Variants in DNMT3A observed in about 807,000 individuals in gnomAD.
The protein encoded by DNMT3A is DNA (cytosine-5)-methyltransferase 3A.
Under a neutral mutation model 117.6 loss-of-function variants are expected in DNMT3A, and 267 were observed. That is an observed-to-expected ratio of 2.27 (90% CI 2.05 to 2.51). DNMT3A has a LOEUF of 2.51. Ranked by LOEUF, DNMT3A falls within the 30% of genes most tolerant of loss-of-function variation. DNMT3A has a pLI of 0.00. For synonymous variants in DNMT3A, 432 were observed against 474.8 expected, an observed-to-expected ratio of 0.91 and a Z score of 1.17; for missense variants, 1,029 against 1,260.2, an observed-to-expected ratio of 0.82 and a Z score of 2.78.
chr2:25,267,177 A>G (rs1409372531), intron 6 of DNMT3A, among the ~76,000 whole-genome samples: 3 of 152,252 alleles, frequency 2.0e-5, no homozygotes, highest in Non-Finnish European at 4.4e-5. Context: ...CAGGAAAAAA[A>G]GAACCCCTGA....
intron 3 of DNMT3A, among the ~76,000 whole-genome samples, chr2:25,288,760 C>T (rs373694285): frequency 3.3e-5 from 5 of 152,346 alleles, no homozygotes; most frequent in Admixed American, 2.0e-4. Flanking sequence ...CGATCCCAAA[C>T]GGAAACTGTC....
intron 16 of DNMT3A, among the ~76,000 whole-genome samples, chr2:25,242,649 TGA>T (rs1474436425): frequency 2.0e-5 from 3 of 152,182 alleles, no homozygotes; most frequent in African/African-American, 4.8e-5. Context: ...GTCCCTGGGT[TGA>T]GACTGCCTAT....
At chr2:25,341,524 G>T (rs903736273) in intron 1 of DNMT3A, among the ~76,000 whole-genome samples, 58 of 145,968 alleles carry the variant, frequency 4.0e-4, no homozygotes, top group Admixed American at 2.2e-3. Context: ...TTGAACTTGA[G>T]CCCGGAGCCG....
At chr2:25,245,814 C>T (rs1182182449) in intron 12 of DNMT3A, among the ~76,000 whole-genome samples, 1 of 152,224 alleles carries the variant, frequency 6.6e-6, no homozygotes, top group Non-Finnish European at 1.5e-5. Context: ...CTGGGGAGTC[C>T]CACACCCTGA....
chr2:25,303,885 T>C (rs2033652893), intron 2 of DNMT3A, among the ~76,000 whole-genome samples: 1 of 152,232 alleles, frequency 6.6e-6, no homozygotes, highest in African/African-American at 2.4e-5. Context: ...CAAGGAAGCG[T>C]AGCAAGTGGT....
chr2:25,251,421 T>A (rs1675545065), intron 6 of DNMT3A, among the ~76,000 whole-genome samples: 1 of 151,982 alleles, frequency 6.6e-6, no homozygotes, highest in Non-Finnish European at 1.5e-5. Context: ...TATTCCCCAC[T>A]CCCTGCTGGC....
chr2:25,234,373 C>G lies in DNMT3A; in HGVS notation c.2645G>C (p.Arg882Pro), dbSNP rs147001633. 10 of 1,613,314 alleles carry G rather than the reference C, an allele frequency of 6.2e-6. No individual in the cohort carries two copies. The highest frequency in any genetic ancestry group is 1.7e-5 in the Admixed American group (1 of 59,968). ...VHYTDVSNMS[R>P]LARQRLLGRS... ...GCCCAGCAGTCTCTGCCTCGCCAAGCGGCTCATGTTGGAGACGTCAGTATA... is the reference window on the plus strand; with the variant it reads ...GCCCAGCAGTCTCTGCCTCGCCAAGGGGCTCATGTTGGAGACGTCAGTATA... The change falls in exon 23 of 23, where the codon CGC becomes CCC. Residue 882 changes from arginine to proline, a missense_variant. Transcript: ENST00000321117. The surrounding 1 kb of genome is among the most constrained non-coding windows in gnomAD (Gnocchi z 4.5).
At chr2:25,276,214 C>T (rs1313040364) in intron 4 of DNMT3A, among the ~76,000 whole-genome samples, 1 of 152,156 alleles carries the variant, frequency 6.6e-6, no homozygotes, top group African/African-American at 2.4e-5. Flanking sequence ...ATTCTCCGTC[C>T]CTCCACTCCC....
rs970731492 is a variant in DNMT3A at position 25,304,416 on chromosome 2, C to T, written c.73-4173G>A. ...TTCCCCCGCTCCACACATCCTGATT[C>T]GTACTTCACTCCCACTCCATCCTCC... On this transcript the variant is annotated intron_variant, in intron 2 of 22. Transcript: ENST00000321117. This position sits in a 1 kb window ranked among gnomAD's most constrained non-coding sequence, Gnocchi z 4.3. Among the ~76,000 whole-genome samples the T allele has an allele frequency of 5.9e-5, 9 of 152,204 alleles. No individual in the cohort carries two copies. The highest frequency in any genetic ancestry group is 1.2e-4 in the Non-Finnish European group (8 of 68,022).
At chr2:25,321,447 G>A (rs76307105) in intron 1 of DNMT3A, among the ~76,000 whole-genome samples, 2,346 of 152,064 alleles carry the variant, frequency 0.015, 54 homozygotes, top group African/African-American at 0.052. Context: ...ATTACACTGG[G>A]CCCACCCAGA....
chr2:25,248,868 A>G (rs531070832), intron 6 of DNMT3A, among the ~76,000 whole-genome samples: 3 of 151,324 alleles, frequency 2.0e-5, no homozygotes, highest in Non-Finnish European at 4.4e-5. Flanking sequence ...TTTTTTTTTT[A>G]ATTTTATTAT....
rs929806900 is a variant in DNMT3A at position 25,243,927 on chromosome 2, A to C, written c.1907T>G (p.Val636Gly). The change falls in exon 16 of 23, where the codon GTG becomes GGG. Residue 636 changes from valine (V) to glycine (G), a missense_variant. Val to Gly is a moderately radical substitution (Grantham distance 109, BLOSUM62 -3). Coordinates refer to ENST00000321117, the MANE Select transcript of DNMT3A (RefSeq NM_022552.5). ...AGCGATTCCATCAAAGAGAGACAGC[A>C]CCCGGATGGGCTTCCTCTTCTCAGC... ...VPAEKRKPIR[V>G]LSLFDGIATG... 6.4e-7 allele frequency: 1 copy of C among 1,552,172 alleles called. No individual in the cohort carries two copies.
intron 3 of DNMT3A, among the ~76,000 whole-genome samples, chr2:25,287,355 G>A (rs2032388539): frequency 1.3e-5 from 2 of 152,084 alleles, no homozygotes; most frequent in African/African-American, 4.8e-5. Flanking sequence ...TGTGAATCTA[G>A]TATCATTCTA....
chr2:25,253,640 G>A (rs1471267658), intron 6 of DNMT3A, among the ~76,000 whole-genome samples: 1 of 152,214 alleles, frequency 6.6e-6, no homozygotes, highest in East Asian at 1.9e-4. Context: ...ATAACCGCAG[G>A]TTTTCTGACA....
At chr2:25,335,928 C>A (rs192797986) in intron 1 of DNMT3A, among the ~76,000 whole-genome samples, 1 of 151,808 alleles carries the variant, frequency 6.6e-6, no homozygotes, top group African/African-American at 2.4e-5. Flanking sequence ...CACAGTAGGA[C>A]AGGAGTAGGC....
intron 6 of DNMT3A, among the ~76,000 whole-genome samples, chr2:25,250,589 A>G (rs1462384934): frequency 6.6e-6 from 1 of 152,166 alleles, no homozygotes; most frequent in East Asian, 1.9e-4. Context: ...GAGAAGGTGC[A>G]CTGAAGTGTG....
intron 19 of DNMT3A, chr2:25,239,483 T>G: frequency 5.1e-6 from 3 of 592,264 alleles, no homozygotes; most frequent in Non-Finnish European, 6.6e-6. Flanking sequence ...CAGTGGCCAC[T>G]AGCCCACTAG....
chr2:25,298,841 C>T lies in DNMT3A; in HGVS notation c.177+1298G>A, dbSNP rs1249588691. On this transcript the variant is annotated intron_variant, in intron 3 of 22. Transcript: ENST00000321117. The surrounding 1 kb of genome is among the most constrained non-coding windows in gnomAD (Gnocchi z 4.3). ...TACCAGTAAAATGACTTCACTCCGC[C>T]CCCCTGCCCCCCGCCTCAAATCTTC... Among the ~76,000 whole-genome samples, 1 of 152,064 alleles carries T rather than the reference C, an allele frequency of 6.6e-6. No individual in the cohort carries two copies. Among genetic ancestry groups the T allele is most frequent in the African/African-American group, 2.4e-5 (1 of 41,330 alleles).
chr2:25,237,027 G>GTA lies in DNMT3A; in HGVS notation c.2409-24_2409-23dup. ...CGGCCTAGGAGGCAGAAGAGAGACT[G>GTA]TAACAACAGAAACCTGGATAACAGC... On this transcript the variant is annotated intron_variant, in intron 20 of 22. Coordinates refer to ENST00000321117, the MANE Select transcript of DNMT3A (RefSeq NM_022552.5). This position sits in a 1 kb window ranked among gnomAD's most constrained non-coding sequence, Gnocchi z 5.4. 6.2e-7 allele frequency: 1 copy of GTA among 1,612,468 alleles called. No homozygotes were observed.
Sources: allele counts gnomAD v4.1 joint callset (sites outside exome capture counted in the v4.1 genomes callset), GRCh38; gene constraint gnomAD v4.1.1; non-coding constraint Gnocchi (gnomAD v3.1); transcripts MANE v1.5; gene names NCBI Gene and HGNC (gene_info 2026-07-23, HGNC 2026-07-21).